APOH: variants seen among roughly 807,000 people sequenced by gnomAD.
APOH encodes the protein beta-2-glycoprotein 1.
APOH carries 48 observed loss-of-function variants against 39.8 expected under a neutral mutation model. The observed-to-expected ratio is 1.21, with a 90% confidence interval of 0.96 to 1.54. The LOEUF (loss-of-function observed/expected upper bound fraction) is 1.54, where lower values mean the gene tolerates loss of function less well. Ranked by LOEUF, APOH falls within the 40% of genes most tolerant of loss-of-function variation. The probability of loss-of-function intolerance (pLI) is 0.00; values close to 1 mark genes in which losing one functional copy is unlikely to be tolerated. For missense variants in APOH, 415 were observed against 421.2 expected (o/e 0.99, Z 0.13); for synonymous variants, 153 against 151.1 (o/e 1.01, Z -0.09).
At chr17:66,222,541 T>C (rs1323761341) in intron 4 of APOH, among the ~76,000 whole-genome samples, 1 of 151,966 alleles carries the variant, frequency 6.6e-6, no homozygotes, top group Non-Finnish European at 1.5e-5. Flanking sequence ...CAATTATTTA[T>C]TTGAAATTGC....
At chr17:66,214,354 T>A (rs2073351829) in intron 7 of APOH, 99 bp downstream of exon 7, 1 of 1,182,374 alleles carries the variant, frequency 8.5e-7, no homozygotes, top group Non-Finnish European at 1.2e-6. Context: ...CCACCGCACC[T>A]GGCCTCATCT....
intron 5 of APOH, 122 bp from the exon 6 acceptor site, chr17:66,217,089 C>T (rs111930331): frequency 3.7e-5 from 27 of 735,890 alleles, no homozygotes; most frequent in African/African-American, 2.2e-4. Flanking sequence ...AACTGGAATG[C>T]AATTTATAGT....
chr17:66,229,406 A>G lies in APOH; in HGVS notation c.-27T>C, dbSNP rs1229531811. 6.2e-7 allele frequency: 1 copy of G among 1,609,912 alleles called. No homozygotes were observed. On this transcript the variant is annotated 5_prime_UTR_variant, in exon 1 of 8. Coordinates refer to ENST00000205948, the MANE Select transcript of APOH (RefSeq NM_000042.3). ...GTGGATGAGTCACACTGGCACTACC[A>G]AAGTGGTTTTCGTCTGCTAAAAAGA...
At chr17:66,228,993 C>A (rs971483019) in intron 1 of APOH, among the ~76,000 whole-genome samples, 8 of 151,744 alleles carry the variant, frequency 5.3e-5, no homozygotes, top group Non-Finnish European at 1.2e-4. Flanking sequence ...CCATCACGCC[C>A]GGCTAATTTT....
At chr17:66,219,992 T>C (rs930194539) in intron 5 of APOH, among the ~76,000 whole-genome samples, 1 of 152,232 alleles carries the variant, frequency 6.6e-6, no homozygotes. Context: ...AACTTGAAGA[T>C]AGTAATGACA....
At chr17:66,213,489 T>C (rs2073347251) in intron 7 of APOH, among the ~76,000 whole-genome samples, 1 of 152,192 alleles carries the variant, frequency 6.6e-6, no homozygotes, top group East Asian at 1.9e-4. Flanking sequence ...TCACTTGGGG[T>C]GAGTTCTCTA....
At chr17:66,221,281 GGAAGGAAGGAAGTCA>G in intron 4 of APOH, among the ~76,000 whole-genome samples, 3 of 139,272 alleles carry the variant, frequency 2.2e-5, no homozygotes, top group African/African-American at 2.7e-5. Context: ...AAGGAAGGAA[GGAAGGAAGGAAGTCA>G]GAAGGGAGGG....
Position 66,214,603 on chromosome 17 carries a change from C to T in APOH, c.832G>A (p.Glu278Lys). ...AATTTTTCCTGAATCTTTACTCTCT[C>T]TCCTTGGTACACCACAGTGGCTTTT... is the stretch of plus-strand genomic sequence containing the variant. ...VKKATVVYQG[E>K]RVKIQEKFKN... Residue 278 changes from glutamate to lysine, a missense_variant, in exon 7 of 8, where the codon GAG becomes AAG. Around this residue, in one of 3 missense-constraint regions of APOH, gnomAD observed 120 missense variants for 110.6 expected, o/e 1.08. Coordinates refer to ENST00000205948, the MANE Select transcript of APOH (RefSeq NM_000042.3). The T allele has an allele frequency of 6.2e-7, 1 of 1,614,016 alleles. No individual in the cohort carries two copies. Among genetic ancestry groups the T allele is most frequent in the South Asian group, 1.1e-5 (1 of 91,088 alleles).
chr17:66,214,639 C>A lies in APOH; in HGVS notation c.796G>T (p.Val266Leu), dbSNP rs4581. 473,583 of 1,608,964 alleles carry A rather than the reference C, an allele frequency of 0.29. 85,022 individuals are homozygous for A. The highest frequency in any genetic ancestry group is 0.77 in the East Asian group (34,504 of 44,780). ...AMPSCKASCKVPVKKATVVYQ... is the reference protein window; with the variant it reads ...AMPSCKASCKLPVKKATVVYQ... ...ACCACAGTGGCTTTTTTCACAGGTA[C>A]TTTACAAGATGCTGAAAGAGAGAAT... is the stretch of plus-strand genomic sequence containing the variant. Residue 266 changes from valine (V) to leucine (L), a missense_variant, in exon 7 of 8, where the codon GTA (valine) becomes TTA (leucine). This residue lies in a region of APOH where 120 missense variants were observed against 110.6 expected (regional missense o/e 1.08). Coordinates refer to ENST00000205948, the MANE Select transcript of APOH (RefSeq NM_000042.3).
rs2146989284 is a variant in APOH at position 66,212,252 on chromosome 17, G to C, written c.983-64C>G. ...AATCATTTCTTAAATGTGGTAAATA[G>C]CTAAGCCAAACCAAATACATTTTAC... On this transcript the variant is annotated intron_variant, in intron 7 of 7. Coordinates refer to ENST00000205948, the MANE Select transcript of APOH (RefSeq NM_000042.3). 8 of 1,415,680 alleles carry C rather than the reference G, an allele frequency of 5.7e-6. No individual in the cohort carries two copies. The South Asian group carries it at 9.4e-5, about 17-fold the overall frequency. 87.7% of individuals were successfully genotyped at this position (1,415,680 alleles called of 1,614,324 possible).
intron 4 of APOH, among the ~76,000 whole-genome samples, chr17:66,223,124 T>C (rs2073412536): frequency 6.6e-6 from 1 of 152,222 alleles, no homozygotes; most frequent in Non-Finnish European, 1.5e-5. Flanking sequence ...GGCTGTTGGC[T>C]TACTGTGAGG....
At position 66,228,093 on chromosome 17, in the gene APOH, C is replaced by T. The variant is rs1182102402; in HGVS notation, c.168G>A (p.Val56=). ...TAAACTTTCTCATCCCTCCTCGGGA[C>T]ACATAGCCCGGCTTGCAGGAATACG... ...EITYSCKPGY[V]SRGGMRKFIC... is the part of the protein sequence containing the mutation. The change falls in exon 2 of 8, where the codon GTG becomes GTA. Residue 56 remains valine (V), a synonymous_variant. Transcript: ENST00000205948. 1 of 1,614,214 alleles carries T rather than the reference C, an allele frequency of 6.2e-7. No homozygotes were observed. Among genetic ancestry groups the T allele is most frequent in the Non-Finnish European group, 8.5e-7 (1 of 1,180,038 alleles).
chr17:66,222,635 G>A (rs867813602), intron 4 of APOH, among the ~76,000 whole-genome samples: 4 of 142,272 alleles, frequency 2.8e-5, no homozygotes, highest in African/African-American at 5.3e-5. Context: ...GCAATGGTGC[G>A]ATCTCAGCTC....
At chr17:66,213,865 A>C (rs564524346) in intron 7 of APOH, among the ~76,000 whole-genome samples, 1 of 152,220 alleles carries the variant, frequency 6.6e-6, no homozygotes, top group East Asian at 1.9e-4. Context: ...TTGAGCCCAG[A>C]AAGTAGAGGC....
chr17:66,219,603 A>C (rs1401159801), intron 5 of APOH, among the ~76,000 whole-genome samples: 1 of 152,170 alleles, frequency 6.6e-6, no homozygotes, highest in African/African-American at 2.4e-5. Context: ...AATATCTACC[A>C]CTGGAGAAGT....
At chr17:66,218,516 C>G (rs1309749704) in intron 5 of APOH, among the ~76,000 whole-genome samples, 1 of 151,968 alleles carries the variant, frequency 6.6e-6, no homozygotes, top group Non-Finnish European at 1.5e-5. Flanking sequence ...ACCATATTGG[C>G]CAGGCTGGTC....
intron 7 of APOH, 91 bp from the exon 8 acceptor site, chr17:66,212,279 A>T: frequency 9.9e-7 from 1 of 1,007,778 alleles, no homozygotes; most frequent in Non-Finnish European, 1.5e-6. Flanking sequence ...ACATTTTACG[A>T]GTATATAGAA....
chr17:66,224,686 GGGAAGGGAAAGGAAA>G (rs2073426918), intron 3 of APOH, among the ~76,000 whole-genome samples: 1 of 27,430 alleles, frequency 3.6e-5, no homozygotes. Flanking sequence ...GGGAAGGGAA[GGGAAGGGAAAGGAAA>G]GGAAAGGAAA....
intron 7 of APOH, among the ~76,000 whole-genome samples, chr17:66,212,515 G>T (rs953408055): frequency 6.6e-6 from 1 of 152,122 alleles, no homozygotes; most frequent in Non-Finnish European, 1.5e-5. Flanking sequence ...CTCCCGAGTA[G>T]CTGGGACTAC....
Sources: allele counts gnomAD v4.1 joint callset (sites outside exome capture counted in the v4.1 genomes callset), GRCh38; gene constraint gnomAD v4.1.1; regional missense constraint gnomAD v4.1.1; transcripts MANE v1.5; gene names NCBI Gene and HGNC (gene_info 2026-07-23, HGNC 2026-07-21).